Variants in TENM3 observed in about 807,000 individuals in gnomAD.
TENM3 encodes the protein teneurin-3.
TENM3 carries 63 observed loss-of-function variants against 255.1 expected under a neutral mutation model. The observed-to-expected ratio is 0.25, with a 90% CI of 0.20 to 0.30. TENM3 has a LOEUF of 0.30. TENM3 is among the 10% of genes least tolerant of loss of function. The pLI is 1.00. For synonymous variants in TENM3, 1,306 were observed against 1,322.3 expected (o/e 0.99, Z 0.27); for missense variants, 2,929 against 3,461.1 (o/e 0.85, Z 3.86).
At chr4:181,614,567 A>G in the TENM3 span, among the ~76,000 whole-genome samples, 99,113 of 152,024 alleles carry the variant, frequency 0.65, 32,806 homozygotes, top group East Asian at 0.73. Context: ...AAGGATCTCC[A>G]TATTCATCTC....
the TENM3 span, among the ~76,000 whole-genome samples, chr4:181,512,764 T>C: frequency 6.6e-6 from 1 of 152,144 alleles, no homozygotes; most frequent in Admixed American, 6.5e-5. Flanking sequence ...TGAAGTACAT[T>C]TTACTCTCCT....
chr4:182,202,525 G>A (rs1472459202), intron 1 of TENM3, among the ~76,000 whole-genome samples: 5 of 151,928 alleles, frequency 3.3e-5, no homozygotes, highest in Admixed American at 6.6e-5. Flanking sequence ...GGCTGGTCTC[G>A]AACTCCTGAC....
At chr4:182,454,707 T>A (rs527773942) in intron 3 of TENM3, among the ~76,000 whole-genome samples, 1 of 152,228 alleles carries the variant, frequency 6.6e-6, no homozygotes, top group African/African-American at 2.4e-5. Context: ...TTTATATTTC[T>A]TAACTTTATG....
intron 1 of TENM3, among the ~76,000 whole-genome samples, chr4:182,180,720 G>T (rs1373543262): frequency 6.7e-6 from 1 of 149,556 alleles, no homozygotes; most frequent in Non-Finnish European, 1.5e-5. Context: ...AAGTGATCCT[G>T]CCACCTGGGC....
chr4:182,340,004 C>T (rs1049796508), intron 2 of TENM3, among the ~76,000 whole-genome samples: 9 of 152,038 alleles, frequency 5.9e-5, no homozygotes, highest in Admixed American at 1.3e-4. Flanking sequence ...ATTTCCAGAC[C>T]TAAGACATGC....
chr4:181,452,342 C>T, the TENM3 span, among the ~76,000 whole-genome samples: 2 of 152,114 alleles, frequency 1.3e-5, no homozygotes, highest in Non-Finnish European at 2.9e-5. Flanking sequence ...TGTGTCCCCA[C>T]CCAAATTTCA....
At chr4:181,574,347 A>C in the TENM3 span, among the ~76,000 whole-genome samples, 21 of 151,788 alleles carry the variant, frequency 1.4e-4, no homozygotes, top group South Asian at 8.3e-4. Flanking sequence ...CTGGCTAACA[A>C]GGTGAAACCC....
At chr4:182,131,440 C>T in the TENM3 span, among the ~76,000 whole-genome samples, 1 of 152,032 alleles carries the variant, frequency 6.6e-6, no homozygotes, top group Admixed American at 6.6e-5. Flanking sequence ...AATCAAAAAC[C>T]TCACCCACGA....
the TENM3 span, among the ~76,000 whole-genome samples, chr4:182,010,158 CA>C: frequency 6.6e-6 from 1 of 152,180 alleles, no homozygotes; most frequent in African/African-American, 2.4e-5. Context: ...CCCCGCCCCC[CA>C]AAAATATTTT....
chr4:182,725,999 G>T (rs1257998800), intron 13 of TENM3, among the ~76,000 whole-genome samples: 6 of 151,930 alleles, frequency 3.9e-5, no homozygotes, highest in Admixed American at 3.3e-4. Flanking sequence ...GTTTCAAATG[G>T]TTAACAACTC....
chr4:182,346,749 T>G lies in TENM3; in HGVS notation c.331T>G (p.Ser111Ala). 6.2e-7 allele frequency: 1 copy of G among 1,613,660 alleles called. No individual in the cohort carries two copies. Among genetic ancestry groups the G allele is most frequent in the Non-Finnish European group, 8.5e-7 (1 of 1,179,768 alleles). The change falls in exon 3 of 28, where the codon TCT becomes GCT. Residue 111 changes from serine (S) to alanine (A), a missense_variant. Transcript: ENST00000511685. ...AEMGLPHRGY[S>A]ISAGSDADTE... Reference sequence around the variant, plus strand: ...AATGGGGCTCCCTCACAGAGGTTACTCTATCAGTGCAGGGTCAGATGCTGA... The same window carrying G: ...AATGGGGCTCCCTCACAGAGGTTACGCTATCAGTGCAGGGTCAGATGCTGA...
At chr4:181,496,381 G>A in the TENM3 span, among the ~76,000 whole-genome samples, 7 of 152,114 alleles carry the variant, frequency 4.6e-5, no homozygotes, top group Admixed American at 2.6e-4. Context: ...TTACTTTGAT[G>A]TTTTATTCTG....
the TENM3 span, among the ~76,000 whole-genome samples, chr4:182,066,266 C>T: frequency 1.1e-3 from 161 of 151,996 alleles, 1 homozygote; most frequent in East Asian, 0.02. Context: ...TTTTTTTATG[C>T]GCTTGTTGAC....
At chr4:182,616,234 G>T (rs1749501034) in intron 4 of TENM3, among the ~76,000 whole-genome samples, 1 of 151,982 alleles carries the variant, frequency 6.6e-6, no homozygotes, top group Non-Finnish European at 1.5e-5. Flanking sequence ...TAAAAGATAG[G>T]TAACTGCGTC....
intron 3 of TENM3, among the ~76,000 whole-genome samples, chr4:182,359,760 A>G (rs542902279): frequency 6.6e-6 from 1 of 152,098 alleles, no homozygotes; most frequent in African/African-American, 2.4e-5. Flanking sequence ...GCCTTCTGCT[A>G]GCTTTTGAAT....
At chr4:182,133,404 A>T in the TENM3 span, among the ~76,000 whole-genome samples, 1 of 152,152 alleles carries the variant, frequency 6.6e-6, no homozygotes, top group African/African-American at 2.4e-5. Context: ...TTTATTCGGG[A>T]TTTCTATTAA....
At chr4:182,110,671 T>C in the TENM3 span, among the ~76,000 whole-genome samples, 1 of 152,088 alleles carries the variant, frequency 6.6e-6, no homozygotes. Context: ...AATTAAGGAA[T>C]GGGGTTGTCA....
intron 1 of TENM3, among the ~76,000 whole-genome samples, chr4:182,185,375 A>G (rs767758056): frequency 6.6e-6 from 1 of 152,196 alleles, no homozygotes; most frequent in Non-Finnish European, 1.5e-5. Context: ...ACTGTTTTAC[A>G]TATTCTTTAC....
At chr4:182,423,151 C>G (rs1002227947) in intron 3 of TENM3, among the ~76,000 whole-genome samples, 2 of 151,946 alleles carry the variant, frequency 1.3e-5, no homozygotes, top group African/African-American at 4.8e-5. Context: ...CTTTCCTGTT[C>G]GGTTTTGTTC....
Sources: allele counts gnomAD v4.1 joint callset (sites outside exome capture counted in the v4.1 genomes callset), GRCh38; gene constraint gnomAD v4.1.1; transcripts MANE v1.5; gene names NCBI Gene and HGNC (gene_info 2026-07-23, HGNC 2026-07-21).